THSD7A: variants seen among roughly 807,000 people sequenced by gnomAD.
THSD7A encodes the protein thrombospondin type-1 domain-containing protein 7A.
A neutral mutation model predicts 231.3 loss-of-function variants in THSD7A; 96 were observed. The observed-to-expected ratio is 0.41, with a 90% CI of 0.35 to 0.49. THSD7A has a LOEUF of 0.49. Among genes scored for constraint, THSD7A ranks in the 20% least tolerant of loss-of-function variants. The pLI is 0.05. For synonymous variants in THSD7A, 940 were observed against 743.3 expected (o/e 1.26, Z -4.30); for missense variants, 2,290 against 2,070.2 (o/e 1.11, Z -2.06).
Position 11,703,161 on chromosome 7 carries a change from T to A in THSD7A, c.191-66200A>T, listed in dbSNP as rs75360384. ...CAGCCTTCTCGAGTGAGCCAGCACG[T>A]GTGTTGTTGCACACAACCATTCAAA... On this transcript the variant is annotated intron_variant, in intron 1 of 27. Transcript: ENST00000423059. Among the ~76,000 whole-genome samples the A allele has an allele frequency of 1.4e-3, 211 of 151,364 alleles. 2 individuals are homozygous for A. Among genetic ancestry groups the A allele is most frequent in the African/African-American group, 4.6e-3 (192 of 41,452 alleles).
intron 1 of THSD7A, among the ~76,000 whole-genome samples, chr7:11,673,074 T>C (rs561439510): frequency 1.3e-5 from 2 of 152,084 alleles, no homozygotes; most frequent in East Asian, 1.9e-4. Flanking sequence ...AACAGATCAT[T>C]TGAGAGAAAA....
In THSD7A at chr7:11,546,057, G is replaced by A. The variant is rs137871099; in HGVS notation, c.1454-2940C>T. 5.0e-3 allele frequency among the ~76,000 whole-genome samples: 755 copies of A among 152,240 alleles called. 9 individuals carry two copies. Among genetic ancestry groups the A allele is most frequent in the African/African-American group, 0.017 (719 of 41,554 alleles). ...AGGGTGCTTTCCAGCAGCTGCTACT[G>A]TAGCTCCTTCATTGGTAGGTACCAC... On this transcript the variant is annotated intron_variant, in intron 4 of 27. Transcript: ENST00000423059.
chr7:11,470,411 C>T (rs938844075), intron 8 of THSD7A, among the ~76,000 whole-genome samples: 65 of 151,884 alleles, frequency 4.3e-4, no homozygotes, highest in Admixed American at 9.8e-4. Flanking sequence ...TTATAAGTTT[C>T]CAGGTTATTC....
Position 11,446,122 on chromosome 7 carries a change from T to C in THSD7A, c.3003A>G (p.Gln1001=), listed in dbSNP as rs1446647324. The part of the protein sequence containing the change: ...IKECGQGYRY[Q]AMACYDQNGR... The stretch of plus-strand genomic sequence containing the variant: ...CATTTTGATCGTAGCATGCCATTGC[T>C]TGGTAACGATATCCTTGTCCGCATT... Residue 1001 remains glutamine (Q), a synonymous_variant, in exon 13 of 28, where the codon CAA becomes CAG. Coordinates refer to ENST00000423059, the MANE Select transcript of THSD7A (RefSeq NM_015204.3). This position sits in a 1 kb window ranked among gnomAD's most constrained non-coding sequence, Gnocchi z 4.0. 1.2e-6 allele frequency: 2 copies of C among 1,613,546 alleles called. No individual in the cohort carries two copies. Among genetic ancestry groups the C allele is most frequent in the Non-Finnish European group, 1.7e-6 (2 of 1,179,618 alleles).
chr7:11,523,786 T>A (rs1461572115), intron 6 of THSD7A, among the ~76,000 whole-genome samples: 1 of 152,132 alleles, frequency 6.6e-6, no homozygotes, highest in Non-Finnish European at 1.5e-5. Flanking sequence ...ATTTTAACTA[T>A]ACAAAGACAT....
intron 6 of THSD7A, among the ~76,000 whole-genome samples, chr7:11,529,830 A>T (rs1473335892): frequency 6.6e-6 from 1 of 152,198 alleles, no homozygotes; most frequent in African/African-American, 2.4e-5. Context: ...CAAATTAAAA[A>T]CAAGGCAGTC....
chr7:11,721,705 C>A (rs1038657479), intron 1 of THSD7A, among the ~76,000 whole-genome samples: 3 of 151,860 alleles, frequency 2.0e-5, no homozygotes, highest in Admixed American at 6.6e-5. Flanking sequence ...ATTCATTCAT[C>A]CTTGCCTCTC....
intron 1 of THSD7A, among the ~76,000 whole-genome samples, chr7:11,806,973 G>A (rs1190929959): frequency 6.6e-6 from 1 of 151,948 alleles, no homozygotes; most frequent in Non-Finnish European, 1.5e-5. Context: ...TTTGTAGACT[G>A]AAATCAATCT....
chr7:11,447,924 T>C (rs1785025369), intron 11 of THSD7A, among the ~76,000 whole-genome samples: 1 of 152,130 alleles, frequency 6.6e-6, no homozygotes, highest in African/African-American at 2.4e-5. Context: ...GGTTGGAGTT[T>C]GGGGTCAGGA....
chr7:11,467,618 C>G (rs1283101978), intron 9 of THSD7A, among the ~76,000 whole-genome samples: 3 of 152,230 alleles, frequency 2.0e-5, no homozygotes, highest in East Asian at 3.9e-4. Context: ...TGAGTTATCA[C>G]AGTGTTTTAG....
chr7:11,525,139 GAT>G (rs969272247), intron 6 of THSD7A, among the ~76,000 whole-genome samples: 4 of 152,228 alleles, frequency 2.6e-5, no homozygotes, highest in African/African-American at 9.6e-5. Flanking sequence ...AGAATAAGAA[GAT>G]ATTACACTGA....
chr7:11,395,943 C>G (rs995975044), intron 23 of THSD7A, among the ~76,000 whole-genome samples: 1 of 152,140 alleles, frequency 6.6e-6, no homozygotes, highest in Non-Finnish European at 1.5e-5. Flanking sequence ...AACAAACAGT[C>G]TCTCAGACAC....
chr7:11,769,154 T>TATATATA lies in THSD7A; in HGVS notation c.190+62602_190+62603insTATATAT, dbSNP rs1554275711. ...ATATATATATATATATATATATATA[T>TATATATA]TTTTTTTTTTTTTTGGTATTTTTGT... On this transcript the variant is annotated intron_variant, in intron 1 of 27. Transcript: ENST00000423059. 4.1e-4 allele frequency among the ~76,000 whole-genome samples: 12 copies of TATATATA among 29,384 alleles called. No homozygotes were observed. The South Asian group carries it at 5.4e-3, about 13-fold the overall frequency. The allele number at this position is 29,384 out of a possible 152,430, so 19.3% of individuals were successfully genotyped here.
At chr7:11,382,657 C>A in intron 23 of THSD7A, 41 bp from the exon 24 acceptor site, 1 of 1,428,622 alleles carries the variant, frequency 7.0e-7, no homozygotes, top group Non-Finnish European at 9.9e-7. Context: ...CATTCTGTTA[C>A]CCAGAAGGAC....
intron 2 of THSD7A, among the ~76,000 whole-genome samples, chr7:11,625,160 T>C (rs1006529961): frequency 1.7e-4 from 26 of 152,276 alleles, no homozygotes; most frequent in Admixed American, 4.6e-4. Flanking sequence ...TATATGTATA[T>C]TCATATTTAT....
At chr7:11,473,219 T>G (rs1177954291) in intron 8 of THSD7A, among the ~76,000 whole-genome samples, 1 of 152,058 alleles carries the variant, frequency 6.6e-6, no homozygotes, top group Non-Finnish European at 1.5e-5. Flanking sequence ...ATAATGGGAT[T>G]CATATTTGTT....
At chr7:11,441,428 G>T (rs1238450022) in intron 13 of THSD7A, among the ~76,000 whole-genome samples, 1 of 151,886 alleles carries the variant, frequency 6.6e-6, no homozygotes, top group East Asian at 1.9e-4. Context: ...CTACCTCTAA[G>T]ATTGTTTAAA....
rs1562700834 is a variant in THSD7A, at chr7:11,541,576, T to A, written c.1665A>T (p.Val555=). The part of the protein sequence containing the change: ...ITNEPTGGSG[V]TGNCPHLLEA... ...CCAGTAAGTGAGGGCAGTTTCCGGT[T>A]ACCCCAGAGCCTCCAGTGGGCTCAT... The change falls in exon 6 of 28, where the codon GTA becomes GTT. Residue 555 remains valine, a synonymous_variant. Coordinates refer to ENST00000423059, the MANE Select transcript of THSD7A (RefSeq NM_015204.3). The A allele has an allele frequency of 6.2e-7, 1 of 1,613,902 alleles. No individual in the cohort carries two copies. Among genetic ancestry groups the A allele is most frequent in the East Asian group, 2.2e-5 (1 of 44,882 alleles).
At chr7:11,553,188 T>C (rs774287405) in intron 4 of THSD7A, among the ~76,000 whole-genome samples, 8 of 152,122 alleles carry the variant, frequency 5.3e-5, no homozygotes, top group Non-Finnish European at 1.2e-4. Context: ...ACTGACATAA[T>C]TGTCAAAGAA....
Sources: allele counts gnomAD v4.1 joint callset (sites outside exome capture counted in the v4.1 genomes callset), GRCh38; gene constraint gnomAD v4.1.1; non-coding constraint Gnocchi (gnomAD v3.1); transcripts MANE v1.5; gene names NCBI Gene and HGNC (gene_info 2026-07-23, HGNC 2026-07-21).